Variants in DYNLL2 observed in about 807,000 individuals in gnomAD.
DYNLL2 encodes dynein light chain 2, cytoplasmic.
In DYNLL2, 1 loss-of-function variant was observed where a neutral mutation model predicts 9.7. The ratio of observed to expected loss-of-function variants is 0.10; its 90% CI spans 0.04 to 0.49. The LOEUF (loss-of-function observed/expected upper bound fraction) is 0.49. DYNLL2 is among the 20% of genes least tolerant of loss of function. The pLI is 0.95. For synonymous variants in DYNLL2, 35 were observed against 40.5 expected, an observed-to-expected ratio of 0.86 and a Z score of 0.52; for missense variants, 37 against 115.2, an observed-to-expected ratio of 0.32 and a Z score of 3.11.
rs1440081256 is a variant in DYNLL2 at position 58,083,456 on chromosome 17, G to GGGGC, written c.-236_-235insGGCG. On this transcript the variant is annotated 5_prime_UTR_variant, in exon 1 of 3. Coordinates refer to ENST00000579991, the MANE Select transcript of DYNLL2 (RefSeq NM_080677.3). ...GAGCGGAGCTGTGAGGCGCCAGTGC[G>GGGGC]GAGCGGGCGGGCGGGCGGGCGGCGT... 8.0e-5 allele frequency: 9 copies of GGGGC among 112,046 alleles called. No individual in the cohort carries two copies. The highest frequency in any genetic ancestry group is 2.5e-4 in the African/African-American group (8 of 31,670). The allele number at this position is 112,046 out of a possible 1,614,324, so 6.9% of individuals were successfully genotyped here. A position where few individuals can be genotyped will look rare whatever the true frequency, so the allele number is the denominator to read the frequency against.
In DYNLL2 at chr17:58,089,341, A is replaced by G. The variant is rs2143597798; in HGVS notation, c.*62A>G. ...ATGGCAAGCAGGCGGCGTTGCTGGG[A>G]CTGTTTTGCACTGGAGCCAGCATCA... On this transcript the variant is annotated 3_prime_UTR_variant, in exon 3 of 3. Coordinates refer to ENST00000579991, the MANE Select transcript of DYNLL2 (RefSeq NM_080677.3). The G allele has an allele frequency of 6.3e-7, 1 of 1,582,310 alleles. No individual in the cohort carries two copies. The highest frequency in any genetic ancestry group is 1.4e-5 in the African/African-American group (1 of 73,880).
At chr17:58,087,497 T>C (rs1269243240) in intron 2 of DYNLL2, among the ~76,000 whole-genome samples, 2 of 152,244 alleles carry the variant, frequency 1.3e-5, no homozygotes, top group Admixed American at 1.3e-4. Context: ...TGGGGAAGGA[T>C]AAGATTATGC....
chr17:58,083,989 G>T (rs1379137515), intron 1 of DYNLL2, among the ~76,000 whole-genome samples: 1 of 152,014 alleles, frequency 6.6e-6, no homozygotes, highest in East Asian at 2.0e-4. Flanking sequence ...TCTGCGCTGC[G>T]TGGAGGCCCC....
chr17:58,088,182 T>C (rs1229516178), intron 2 of DYNLL2, among the ~76,000 whole-genome samples: 6 of 152,198 alleles, frequency 3.9e-5, no homozygotes, highest in Non-Finnish European at 7.3e-5. Flanking sequence ...AATCCCCAGA[T>C]TTTCTGGTCT....
intron 1 of DYNLL2, among the ~76,000 whole-genome samples, chr17:58,084,487 C>T (rs1321077337): frequency 6.6e-6 from 1 of 152,114 alleles, no homozygotes; most frequent in East Asian, 1.9e-4. Flanking sequence ...GGCCCTCTGG[C>T]CATCTTCCTC....
At chr17:58,086,960 C>T (rs543390997) in intron 1 of DYNLL2, 122 bp from the exon 2 acceptor site, 71 of 1,186,072 alleles carry the variant, frequency 6.0e-5, no homozygotes, top group Admixed American at 1.9e-4. Flanking sequence ...GCTTCACATC[C>T]GTGTTTTCTG....
intron 2 of DYNLL2, among the ~76,000 whole-genome samples, chr17:58,087,882 A>AC (rs931182818): frequency 2.4e-4 from 37 of 152,074 alleles, no homozygotes; most frequent in African/African-American, 8.5e-4. Flanking sequence ...GGGTACTGGG[A>AC]CCCCCTGATT....
rs1567765002 is a variant in DYNLL2 at position 58,083,479 on chromosome 17, C to CG, written c.-213dup. The CG allele has an allele frequency of 8.0e-6, 1 of 124,608 alleles. No individual in the cohort carries two copies. Among genetic ancestry groups the CG allele is most frequent in the Non-Finnish European group, 1.8e-5 (1 of 56,216 alleles). 7.7% of individuals were successfully genotyped at this position (124,608 alleles called of 1,614,324 possible). A position where few individuals can be genotyped will look rare whatever the true frequency, so the allele number is the denominator to read the frequency against. On this transcript the variant is annotated 5_prime_UTR_variant, in exon 1 of 3. Transcript: ENST00000579991. Reference sequence around the variant, plus strand: ...GCGGAGCGGGCGGGCGGGCGGGCGGCGTGAGGCGGAGCGCGGGCGGCCGGC... The same window carrying CG: ...GCGGAGCGGGCGGGCGGGCGGGCGGCGGTGAGGCGGAGCGCGGGCGGCCGGC...
rs377760636 is a variant in DYNLL2, at chr17:58,089,285, C to T, written c.*6C>T. 19 of 1,612,148 alleles carry T rather than the reference C, an allele frequency of 1.2e-5. No homozygotes were observed. In the East Asian group the frequency reaches 4.0e-4, roughly 34 times the overall value. On this transcript the variant is annotated 3_prime_UTR_variant, in exon 3 of 3. Transcript: ENST00000579991. ...TCCTCTTCAAGTCAGGCTAGGTGGC[C>T]ATGGTGAAGGTGTCAGTGGCGGCGG...
At chr17:58,088,196 C>G (rs976529567) in intron 2 of DYNLL2, among the ~76,000 whole-genome samples, 9 of 152,192 alleles carry the variant, frequency 5.9e-5, no homozygotes, top group South Asian at 2.1e-4. Flanking sequence ...CTGGTCTGCG[C>G]TCTTTTTTTG....
rs2075793485 is a variant in DYNLL2 at position 58,095,085 on chromosome 17, C to A, written c.*5806C>A. The A allele has an allele frequency of 6.6e-6, 1 of 151,800 alleles. No homozygotes were observed. 9.4% of individuals were successfully genotyped at this position (151,800 alleles called of 1,614,324 possible). ...ACAGATTTTTGTGTAGATATGTTTT[C>A]AATTATCTTGGGGCATCTTTTATTT... On this transcript the variant is annotated 3_prime_UTR_variant, in exon 3 of 3. Transcript: ENST00000579991.
rs1357850986 is a variant in DYNLL2 at position 58,093,953 on chromosome 17, C to G, written c.*4674C>G. 1.3e-5 allele frequency: 2 copies of G among 152,320 alleles called. No individual in the cohort carries two copies. The highest frequency in any genetic ancestry group is 6.8e-3 in the Middle Eastern group (2 of 294). 9.4% of individuals were successfully genotyped at this position (152,320 alleles called of 1,614,324 possible). A position where few individuals can be genotyped will look rare whatever the true frequency, so the allele number is the denominator to read the frequency against. On this transcript the variant is annotated 3_prime_UTR_variant, in exon 3 of 3. Transcript: ENST00000579991. ...CAATGTGCGTGAATACTCCTACCCACAGACTGCTACTGTGCCAATATAGAG... is the reference window on the plus strand; with the variant it reads ...CAATGTGCGTGAATACTCCTACCCAGAGACTGCTACTGTGCCAATATAGAG...
Position 58,089,563 on chromosome 17 carries a change from T to G in DYNLL2, c.*284T>G, listed in dbSNP as rs1403637977. 1 of 461,094 alleles carries G rather than the reference T, an allele frequency of 2.2e-6. No homozygotes were observed. Among genetic ancestry groups the G allele is most frequent in the Admixed American group, 4.1e-5 (1 of 24,208 alleles). 28.6% of individuals were successfully genotyped at this position (461,094 alleles called of 1,614,324 possible). A position where few individuals can be genotyped will look rare whatever the true frequency, so the allele number is the denominator to read the frequency against. On this transcript the variant is annotated 3_prime_UTR_variant, in exon 3 of 3. Coordinates refer to ENST00000579991, the MANE Select transcript of DYNLL2 (RefSeq NM_080677.3). ...AAATCTCTCCCACCTCTCCCTTTTC[T>G]CTTTCTTTCCCTATACAAAATAAAA...
chr17:58,083,920 G>A (rs919314015), intron 1 of DYNLL2, among the ~76,000 whole-genome samples: 47 of 151,440 alleles, frequency 3.1e-4, no homozygotes, highest in African/African-American at 1.1e-3. Context: ...GGCCACCCTC[G>A]TGGCGCTGCT....
chr17:58,083,858 C>A (rs1339755715), intron 1 of DYNLL2, among the ~76,000 whole-genome samples, 175 bp downstream of exon 1: 2 of 151,554 alleles, frequency 1.3e-5, no homozygotes, highest in African/African-American at 4.8e-5. Context: ...CGCAGCGCGC[C>A]CCCGCCGCCC....
intron 2 of DYNLL2, among the ~76,000 whole-genome samples, chr17:58,088,195 G>A (rs1567766511): frequency 2.6e-5 from 4 of 152,284 alleles, no homozygotes; most frequent in South Asian, 2.1e-4. Context: ...TCTGGTCTGC[G>A]CTCTTTTTTT....
At chr17:58,084,891 T>G (rs1335718477) in intron 1 of DYNLL2, among the ~76,000 whole-genome samples, 1 of 150,230 alleles carries the variant, frequency 6.7e-6, no homozygotes, top group Admixed American at 6.7e-5. Flanking sequence ...GTGACACTAG[T>G]TTTTCTTCAC....
intron 1 of DYNLL2, among the ~76,000 whole-genome samples, chr17:58,085,644 G>A (rs555492130): frequency 3.9e-5 from 6 of 152,294 alleles, no homozygotes; most frequent in Admixed American, 1.3e-4. Context: ...CTGAGATTCC[G>A]CTCGTCCCAA....
intron 1 of DYNLL2, among the ~76,000 whole-genome samples, chr17:58,084,367 T>C (rs1185781927): frequency 1.3e-5 from 2 of 152,012 alleles, no homozygotes; most frequent in African/African-American, 4.8e-5. Flanking sequence ...TTCGGAGATT[T>C]AGCCTTTTTT....
Sources: allele counts gnomAD v4.1 joint callset (sites outside exome capture counted in the v4.1 genomes callset), GRCh38; gene constraint gnomAD v4.1.1; transcripts MANE v1.5; gene names NCBI Gene and HGNC (gene_info 2026-07-23, HGNC 2026-07-21).